The following DPP10 variants were observed in gnomAD, a reference collection of about 807,000 sequenced individuals.
DPP10 encodes the protein dipeptidyl peptidase like 10.
DPP10 carries 33 observed loss-of-function variants against 120.9 expected under a neutral mutation model. That is an observed-to-expected ratio of 0.27 (90% CI 0.21 to 0.37). The LOEUF is 0.37. Among genes scored for constraint, DPP10 ranks in the 10% least tolerant of loss-of-function variants. The pLI, the probability that DPP10 is intolerant of heterozygous loss-of-function variation, is 1.00. For missense variants in DPP10, 816 were observed against 942.8 expected (o/e 0.87, Z 1.76); for synonymous variants, 337 against 326.1 (o/e 1.03, Z -0.36).
At chr2:115,168,986 A>T (rs10182527) in intron 1 of DPP10, among the ~76,000 whole-genome samples, 54,808 of 151,944 alleles carry the variant, frequency 0.36, 11,538 homozygotes, top group Non-Finnish European at 0.47. Context: ...AATAAAAAAA[A>T]TTTTTTTCTA....
intron 1 of DPP10, among the ~76,000 whole-genome samples, chr2:115,199,827 G>C (rs2055565900): frequency 6.6e-6 from 1 of 152,084 alleles, no homozygotes; most frequent in African/African-American, 2.4e-5. Context: ...ATAATTGACA[G>C]GTTGCAGATC....
intron 1 of DPP10, among the ~76,000 whole-genome samples, chr2:114,877,216 T>C (rs184861294): frequency 9.2e-5 from 14 of 152,160 alleles, no homozygotes; most frequent in Admixed American, 9.2e-4. Context: ...TCCTGATGTG[T>C]GCATATTCTA....
intron 13 of DPP10, among the ~76,000 whole-genome samples, chr2:115,773,796 G>A (rs1444556752): frequency 6.6e-6 from 1 of 151,996 alleles, no homozygotes; most frequent in South Asian, 2.1e-4. Flanking sequence ...ATTAAGTGTT[G>A]TTCAGTCATC....
At chr2:115,128,883 A>T (rs2050202741) in intron 1 of DPP10, among the ~76,000 whole-genome samples, 1 of 152,184 alleles carries the variant, frequency 6.6e-6, no homozygotes, top group Non-Finnish European at 1.5e-5. Context: ...ATCCTTCAAC[A>T]CTTATGAGTT....
intron 5 of DPP10, among the ~76,000 whole-genome samples, chr2:115,639,253 A>G (rs151321484): frequency 1.6e-4 from 24 of 152,268 alleles, no homozygotes; most frequent in African/African-American, 5.5e-4. Context: ...TCCATATCTC[A>G]CTGAACGTCT....
chr2:114,915,803 G>T (rs1300538021), intron 1 of DPP10, among the ~76,000 whole-genome samples: 1 of 152,132 alleles, frequency 6.6e-6, no homozygotes, highest in Non-Finnish European at 1.5e-5. Context: ...TGAAAACAAA[G>T]ATATAGCATA....
intron 1 of DPP10, among the ~76,000 whole-genome samples, chr2:114,888,092 G>A (rs867178128): frequency 6.7e-6 from 1 of 149,818 alleles, no homozygotes; most frequent in Non-Finnish European, 1.5e-5. Flanking sequence ...GCAGTGAGCC[G>A]AGGTCGTGCT....
At chr2:114,815,119 G>A (rs1440963771) in intron 1 of DPP10, among the ~76,000 whole-genome samples, 1 of 152,198 alleles carries the variant, frequency 6.6e-6, no homozygotes, top group Non-Finnish European at 1.5e-5. Flanking sequence ...ACCTGGGATG[G>A]TGTTGGCAGG....
chr2:115,107,177 G>A (rs2048989933), intron 1 of DPP10, among the ~76,000 whole-genome samples: 1 of 151,638 alleles, frequency 6.6e-6, no homozygotes, highest in African/African-American at 2.4e-5. Context: ...AGATATTTAA[G>A]AGACTTTTCC....
chr2:114,979,897 C>A (rs1156313451), intron 1 of DPP10, among the ~76,000 whole-genome samples: 1 of 151,930 alleles, frequency 6.6e-6, no homozygotes, highest in Non-Finnish European at 1.5e-5. Flanking sequence ...AATTTTCTGC[C>A]TGCTGGCGCA....
chr2:115,319,698 A>T (rs1483260847), intron 2 of DPP10, among the ~76,000 whole-genome samples: 2 of 152,180 alleles, frequency 1.3e-5, no homozygotes, highest in African/African-American at 4.8e-5. Context: ...CAGACTGGGT[A>T]ATATAAACAA....
At chr2:115,790,457 A>T (rs939712759) in intron 17 of DPP10, among the ~76,000 whole-genome samples, 4 of 152,200 alleles carry the variant, frequency 2.6e-5, no homozygotes, top group African/African-American at 9.7e-5. Context: ...TCAAAATTCC[A>T]GCAAGTTACT....
In DPP10 at chr2:115,127,500, A is replaced by T. The variant is rs191986998; in HGVS notation, c.61-181739A>T. ...AACCTAGAGTCAGATGGCATTTATC[A>T]TTTTTTCCCTAATATTAGAGTTGAA... On this transcript the variant is annotated intron_variant, in intron 1 of 25. Coordinates refer to ENST00000410059, the MANE Select transcript of DPP10 (RefSeq NM_020868.6). Among the ~76,000 whole-genome samples the T allele has an allele frequency of 3.5e-4, 54 of 152,134 alleles. 2 individuals are homozygous for T. The East Asian group carries it at 5.2e-3, about 15-fold the overall frequency.
In DPP10 at chr2:115,293,029, A is replaced by G. The variant is rs189551878; in HGVS notation, c.61-16210A>G. Among the ~76,000 whole-genome samples, 11 of 152,222 alleles carry G rather than the reference A, an allele frequency of 7.2e-5. No homozygotes were observed. The East Asian group carries it at 2.1e-3, about 30-fold the overall frequency. ...GCCCTGGCACTCAGGTTTGGGGCAC[A>G]GAAACTTTGATGTTTATAAGCACAT... is the stretch of plus-strand genomic sequence containing the variant. On this transcript the variant is annotated intron_variant, in intron 1 of 25. Coordinates refer to ENST00000410059, the MANE Select transcript of DPP10 (RefSeq NM_020868.6).
At chr2:115,740,037 C>G (rs1441574224) in intron 9 of DPP10, 144 bp downstream of exon 9, 2 of 844,750 alleles carry the variant, frequency 2.4e-6, no homozygotes, top group African/African-American at 1.7e-5. Flanking sequence ...CTTTCGATCT[C>G]CCAGTAGTCT....
chr2:114,939,085 A>G (rs2104552105), intron 1 of DPP10, among the ~76,000 whole-genome samples: 1 of 152,258 alleles, frequency 6.6e-6, no homozygotes, highest in African/African-American at 2.4e-5. Context: ...TGCAATAGAT[A>G]AATGTCTACT....
intron 1 of DPP10, among the ~76,000 whole-genome samples, chr2:114,648,231 C>T (rs1242070247): frequency 6.6e-6 from 1 of 152,160 alleles, no homozygotes; most frequent in Admixed American, 6.5e-5. Context: ...CTCATGCTGC[C>T]TCCTGTGTTC....
intron 1 of DPP10, among the ~76,000 whole-genome samples, chr2:114,528,978 A>G (rs1418730383): frequency 6.6e-6 from 1 of 151,994 alleles, no homozygotes. Flanking sequence ...CCTCTGCCCT[A>G]TTCTGCCTTG....
At chr2:115,074,444 G>A (rs370257633) in intron 1 of DPP10, among the ~76,000 whole-genome samples, 1 of 152,138 alleles carries the variant, frequency 6.6e-6, no homozygotes, top group Non-Finnish European at 1.5e-5. Context: ...ATAGCCACAC[G>A]TATGAAATTG....
Sources: gnomAD v4.1 joint callset for allele counts (sites outside exome capture counted in the v4.1 genomes callset) on GRCh38, gnomAD v4.1.1 for gene constraint, MANE v1.5 for transcripts, NCBI Gene and HGNC (gene_info 2026-07-23, HGNC 2026-07-21) for gene names.